Variants in KIZ observed in about 807,000 individuals in gnomAD.
The protein encoded by KIZ is centrosomal protein kizuna.
A neutral mutation model predicts 79.6 loss-of-function variants in KIZ; 68 were observed. The observed-to-expected ratio is 0.85, with a 90% CI of 0.70 to 1.05. The LOEUF is 1.05. Among genes scored for constraint, KIZ ranks in the 50% least tolerant of loss-of-function variants. KIZ has a pLI of 0.00. For missense variants in KIZ, 797 were observed against 800.4 expected, an observed-to-expected ratio of 1.00 and a Z score of 0.05; for synonymous variants, 280 against 281.8, an observed-to-expected ratio of 0.99 and a Z score of 0.06.
At chr20:21,211,253 G>A (rs1332490296) in intron 7 of KIZ, among the ~76,000 whole-genome samples, 1 of 152,202 alleles carries the variant, frequency 6.6e-6, no homozygotes, top group East Asian at 1.9e-4. Context: ...TACTGTAGGT[G>A]TAACTCATAG....
intron 11 of KIZ, among the ~76,000 whole-genome samples, chr20:21,236,984 C>G (rs1215680620): frequency 2.3e-5 from 3 of 133,206 alleles, no homozygotes; most frequent in Non-Finnish European, 3.1e-5. Flanking sequence ...GGCAATGGAG[C>G]AAGACTCTGT....
intron 4 of KIZ, among the ~76,000 whole-genome samples, chr20:21,156,298 T>G (rs2033378475): frequency 1.3e-5 from 2 of 152,212 alleles, no homozygotes. Flanking sequence ...GTCTTCTTTT[T>G]TTGCTGTTCC....
rs1280966613 is a variant in KIZ, at chr20:21,162,765, T to C, written c.1043-85T>C. On this transcript the variant is annotated intron_variant, in intron 5 of 12. Coordinates refer to ENST00000619189, the MANE Select transcript of KIZ (RefSeq NM_018474.6). ...GTGTGTGGGTTGCTTCTCCATGTTTTTAACTGATGAGTAATTCTGCTGTGT... is the reference window on the plus strand; with the variant it reads ...GTGTGTGGGTTGCTTCTCCATGTTTCTAACTGATGAGTAATTCTGCTGTGT... 5 of 1,111,862 alleles carry C rather than the reference T, an allele frequency of 4.5e-6. No individual in the cohort carries two copies. The Admixed American group carries it at 8.0e-5, about 18-fold the overall frequency. 68.9% of individuals were successfully genotyped at this position (1,111,862 alleles called of 1,614,324 possible). A position where few individuals can be genotyped will look rare whatever the true frequency, so the allele number is the denominator to read the frequency against.
At chr20:21,183,258 GA>G (rs1163648059) in intron 6 of KIZ, among the ~76,000 whole-genome samples, 6 of 151,982 alleles carry the variant, frequency 3.9e-5, no homozygotes, top group Admixed American at 3.9e-4. Context: ...TTCATAATCA[GA>G]AAAAAAATTA....
chr20:21,168,111 C>A (rs897006246), intron 6 of KIZ, among the ~76,000 whole-genome samples: 2 of 152,126 alleles, frequency 1.3e-5, no homozygotes, highest in African/African-American at 4.8e-5. Context: ...TGATGCTCCC[C>A]TTCCTGTGTC....
At chr20:21,190,381 C>T (rs773931826) in intron 6 of KIZ, among the ~76,000 whole-genome samples, 1 of 152,222 alleles carries the variant, frequency 6.6e-6, no homozygotes, top group East Asian at 1.9e-4. Context: ...AAAGGATTAG[C>T]GCTAGCCAAT....
intron 1 of KIZ, 47 bp from the exon 2 acceptor site, chr20:21,132,050 C>T (rs2031881176): frequency 2.5e-6 from 2 of 813,124 alleles, no homozygotes; most frequent in Non-Finnish European, 2.0e-6. Context: ...AAATCCAACT[C>T]CCTGTTACTT....
chr20:21,131,004 G>T (rs1232767884), intron 1 of KIZ, among the ~76,000 whole-genome samples: 3 of 152,230 alleles, frequency 2.0e-5, no homozygotes, highest in Non-Finnish European at 4.4e-5. Flanking sequence ...TGCTTGGATA[G>T]AATATTATGT....
chr20:21,224,594 GT>G (rs770540462), intron 9 of KIZ, among the ~76,000 whole-genome samples: 3 of 152,164 alleles, frequency 2.0e-5, no homozygotes, highest in Non-Finnish European at 4.4e-5. Context: ...TTCAAGGTCG[GT>G]TTTTTAGCTG....
At chr20:21,234,727 CTGA>C (rs2036946126) in intron 11 of KIZ, among the ~76,000 whole-genome samples, 1 of 140,942 alleles carries the variant, frequency 7.1e-6, no homozygotes, top group African/African-American at 2.7e-5. Context: ...TGTCAGTGAG[CTGA>C]TGAGCAACCT....
At chr20:21,136,360 A>G in intron 2 of KIZ, 30 bp from the exon 3 acceptor site, 3 of 1,282,092 alleles carry the variant, frequency 2.3e-6, no homozygotes, top group Non-Finnish European at 3.3e-6. Context: ...AGTCTAGTCC[A>G]TTGTTTTAAA....
intron 6 of KIZ, among the ~76,000 whole-genome samples, chr20:21,181,872 A>G (rs2034670224): frequency 6.6e-6 from 1 of 152,230 alleles, no homozygotes; most frequent in Non-Finnish European, 1.5e-5. Context: ...TGAAACACAG[A>G]TGCTTAAACA....
At chr20:21,173,146 G>A (rs2034287922) in intron 6 of KIZ, among the ~76,000 whole-genome samples, 1 of 152,146 alleles carries the variant, frequency 6.6e-6, no homozygotes. Flanking sequence ...AATCAAGTTG[G>A]GGAAAGAGTG....
chr20:21,175,997 C>T (rs542922631), intron 6 of KIZ, among the ~76,000 whole-genome samples: 2 of 152,024 alleles, frequency 1.3e-5, no homozygotes, highest in South Asian at 2.1e-4. Context: ...GCCTGAGCAA[C>T]GGAGTGAGAC....
At chr20:21,222,334 C>G (rs1024971846) in intron 9 of KIZ, among the ~76,000 whole-genome samples, 1 of 152,202 alleles carries the variant, frequency 6.6e-6, no homozygotes, top group Non-Finnish European at 1.5e-5. Flanking sequence ...CAGCCACACC[C>G]TTGTGCAATT....
In KIZ at chr20:21,229,042, C is replaced by T; in HGVS notation, c.1710C>T (p.Ala570=). 1 of 1,610,988 alleles carries T rather than the reference C, an allele frequency of 6.2e-7. No individual in the cohort carries two copies. The highest frequency in any genetic ancestry group is 8.5e-7 in the Non-Finnish European group (1 of 1,177,848). Residue 570 remains alanine (A), a synonymous_variant, in exon 10 of 13, where the codon GCC becomes GCT. Transcript: ENST00000619189. The part of the protein sequence containing the change: ...ETEAYQLLKK[A]TLQDNTNQTE... ...AAGCCTATCAGTTGCTGAAGAAGGC[C>T]ACCCTTCAGGATAATACAAATCAAA...
rs763360266 is a variant in KIZ at position 21,174,969 on chromosome 20, A to G, written c.1352+11810A>G. Among the ~76,000 whole-genome samples, 12 of 152,384 alleles carry G rather than the reference A, an allele frequency of 7.9e-5. No individual in the cohort carries two copies. In the South Asian group the frequency reaches 1.0e-3, roughly 13 times the overall value. ...ATATTTAGAAATTCAGCATTCCTTC[A>G]GATGTGATGATGCCTTCAGATGTCT... On this transcript the variant is annotated intron_variant, in intron 6 of 12. Transcript: ENST00000619189.
intron 11 of KIZ, 103 bp downstream of exon 11, chr20:21,232,933 AG>A: frequency 1.5e-6 from 1 of 676,458 alleles, no homozygotes; most frequent in Non-Finnish European, 2.7e-6. Flanking sequence ...TATGACTTGG[AG>A]GGTTATGGTT....
intron 3 of KIZ, among the ~76,000 whole-genome samples, chr20:21,142,324 G>C (rs2032599554): frequency 6.6e-6 from 1 of 151,994 alleles, no homozygotes. Context: ...TTCACTGTGA[G>C]CTCCTTGTCT....
Sources: gnomAD v4.1 joint callset for allele counts (sites outside exome capture counted in the v4.1 genomes callset) on GRCh38, gnomAD v4.1.1 for gene constraint, MANE v1.5 for transcripts, NCBI Gene and HGNC (gene_info 2026-07-23, HGNC 2026-07-21) for gene names.